Variants in FGGY observed in about 807,000 individuals in gnomAD.
The protein encoded by FGGY is FGGY carbohydrate kinase domain-containing protein.
A neutral mutation model predicts 71.3 loss-of-function variants in FGGY; 72 were observed. The ratio of observed to expected loss-of-function variants is 1.01; its 90% CI spans 0.84 to 1.23. The LOEUF (loss-of-function observed/expected upper bound fraction) is 1.23, where lower values mean the gene tolerates loss of function less well. Ranked by LOEUF, FGGY falls within the 50% of genes most tolerant of loss-of-function variation. The probability of loss-of-function intolerance (pLI) is 0.00; values close to 1 mark genes in which losing one functional copy is unlikely to be tolerated. For synonymous variants in FGGY, 251 were observed against 250.3 expected, an observed-to-expected ratio of 1.00 and a Z score of -0.02; for missense variants, 668 against 682.3, an observed-to-expected ratio of 0.98 and a Z score of 0.23.
At chr1:59,706,477 G>T (rs1018724676) in intron 14 of FGGY, among the ~76,000 whole-genome samples, 1 of 152,120 alleles carries the variant, frequency 6.6e-6, no homozygotes, top group East Asian at 1.9e-4. Context: ...ATCATATATG[G>T]TATCTGAATT....
intron 8 of FGGY, among the ~76,000 whole-genome samples, chr1:59,575,517 T>C (rs1347578501): frequency 3.3e-5 from 5 of 152,224 alleles, no homozygotes; most frequent in African/African-American, 7.2e-5. Context: ...GACATTTAGG[T>C]TGATTTCATA....
chr1:59,379,162 A>AACACAGACACACAC (rs2059058221), intron 5 of FGGY, among the ~76,000 whole-genome samples: 4 of 143,136 alleles, frequency 2.8e-5, no homozygotes, highest in Non-Finnish European at 6.1e-5. Context: ...GGAAAAAATA[A>AACACAGACACACAC]ACACACACAC....
At chr1:59,392,613 C>G (rs367914571) in intron 5 of FGGY, among the ~76,000 whole-genome samples, 75 of 152,296 alleles carry the variant, frequency 4.9e-4, no homozygotes, top group African/African-American at 1.6e-3. Flanking sequence ...TTGCTAAAGT[C>G]AAACCTTAGA....
At chr1:59,566,751 G>A (rs745369068) in intron 8 of FGGY, among the ~76,000 whole-genome samples, 2 of 152,180 alleles carry the variant, frequency 1.3e-5, no homozygotes, top group African/African-American at 2.4e-5. Flanking sequence ...TATACTGACA[G>A]TGATACTGTC....
At chr1:59,473,182 C>G (rs2093066440) in intron 6 of FGGY, among the ~76,000 whole-genome samples, 1 of 152,154 alleles carries the variant, frequency 6.6e-6, no homozygotes, top group Non-Finnish European at 1.5e-5. Flanking sequence ...CCTTTATGAG[C>G]TGTAACACTC....
At chr1:59,620,903 C>T (rs12081929) in intron 9 of FGGY, among the ~76,000 whole-genome samples, 4,499 of 152,114 alleles carry the variant, frequency 0.03, 231 homozygotes, top group African/African-American at 0.1. Flanking sequence ...TTGCTTTAAA[C>T]AATGTATTAG....
chr1:59,303,603 T>C (rs2043072286), intron 1 of FGGY, among the ~76,000 whole-genome samples: 1 of 152,182 alleles, frequency 6.6e-6, no homozygotes, highest in Admixed American at 6.5e-5. Flanking sequence ...TTCATTTCTT[T>C]TGGATATATA....
intron 5 of FGGY, among the ~76,000 whole-genome samples, chr1:59,447,429 G>C (rs2071542737): frequency 6.6e-6 from 1 of 152,314 alleles, no homozygotes; most frequent in African/African-American, 2.4e-5. Context: ...CTGCAAAAAA[G>C]CAGATACTGA....
chr1:59,714,246 C>A (rs1470418200), intron 14 of FGGY, among the ~76,000 whole-genome samples: 2 of 152,148 alleles, frequency 1.3e-5, no homozygotes, highest in Non-Finnish European at 2.9e-5. Context: ...TCCCAAAGAG[C>A]CTGCTCTTTC....
At chr1:59,312,075 C>A (rs2044442126) in intron 1 of FGGY, among the ~76,000 whole-genome samples, 2 of 152,188 alleles carry the variant, frequency 1.3e-5, no homozygotes, top group South Asian at 4.1e-4. Context: ...TGCTTATATC[C>A]TTTGCCCACT....
At chr1:59,566,222 C>T (rs1166853638) in intron 8 of FGGY, among the ~76,000 whole-genome samples, 1 of 152,102 alleles carries the variant, frequency 6.6e-6, no homozygotes, top group African/African-American at 2.4e-5. Flanking sequence ...ATGAGGCAGT[C>T]ATGGTGGAGC....
chr1:59,745,900 G>T (rs954483412), intron 14 of FGGY, among the ~76,000 whole-genome samples: 13 of 152,198 alleles, frequency 8.5e-5, no homozygotes, highest in African/African-American at 2.7e-4. Flanking sequence ...GGACTGAAGG[G>T]CAATGGAATT....
At chr1:59,488,493 G>A (rs532127222) in intron 6 of FGGY, among the ~76,000 whole-genome samples, 2 of 148,156 alleles carry the variant, frequency 1.3e-5, no homozygotes, top group African/African-American at 2.5e-5. Context: ...GTGTATATGT[G>A]TGTGTATATA....
At chr1:59,374,981 G>T (rs1386267839) in intron 4 of FGGY, among the ~76,000 whole-genome samples, 1 of 151,016 alleles carries the variant, frequency 6.6e-6, no homozygotes, top group Non-Finnish European at 1.5e-5. Context: ...CGAGTTAGTG[G>T]GTGCAGCGCA....
intron 3 of FGGY, among the ~76,000 whole-genome samples, chr1:59,344,764 G>A (rs913844336): frequency 6.6e-6 from 1 of 152,066 alleles, no homozygotes; most frequent in African/African-American, 2.4e-5. Flanking sequence ...ATACTATATT[G>A]TTTAGGGAAT....
intron 8 of FGGY, among the ~76,000 whole-genome samples, chr1:59,604,409 G>A (rs1459309576): frequency 6.6e-6 from 1 of 152,152 alleles, no homozygotes; most frequent in East Asian, 1.9e-4. Flanking sequence ...CTTTACACAG[G>A]ATGTCTGAGG....
At chr1:59,656,741 C>T (rs2097221718) in intron 11 of FGGY, among the ~76,000 whole-genome samples, 1 of 152,196 alleles carries the variant, frequency 6.6e-6, no homozygotes, top group Non-Finnish European at 1.5e-5. Flanking sequence ...ATGATCCATG[C>T]AAGAAATCTC....
At chr1:59,761,094 T>G (rs965765289) in intron 15 of FGGY, among the ~76,000 whole-genome samples, 1 of 152,218 alleles carries the variant, frequency 6.6e-6, no homozygotes, top group Non-Finnish European at 1.5e-5. Context: ...TTCATTTATT[T>G]CCACATTTAA....
chr1:59,649,064 A>G (rs901337034), intron 11 of FGGY, among the ~76,000 whole-genome samples: 2 of 151,772 alleles, frequency 1.3e-5, no homozygotes, highest in Admixed American at 6.6e-5. Flanking sequence ...AGTTTTAGGT[A>G]TGCGGCATTA....
Sources: allele counts gnomAD v4.1 joint callset (sites outside exome capture counted in the v4.1 genomes callset), GRCh38; gene constraint gnomAD v4.1.1; transcripts MANE v1.5; gene names NCBI Gene and HGNC (gene_info 2026-07-23, HGNC 2026-07-21).